COL9A1: variants seen among roughly 807,000 people sequenced by gnomAD.
COL9A1 encodes collagen type IX alpha 1 chain.
Under a neutral mutation model 142.6 loss-of-function variants are expected in COL9A1, and 104 were observed. The observed-to-expected ratio is 0.73, with a 90% CI of 0.62 to 0.86. The LOEUF (loss-of-function observed/expected upper bound fraction) is 0.86. Among genes scored for constraint, COL9A1 ranks in the 40% least tolerant of loss-of-function variants. The pLI is 0.00. For synonymous variants in COL9A1, 466 were observed against 396.0 expected, an observed-to-expected ratio of 1.18 and a Z score of -2.10; for missense variants, 1,210 against 1,176.6, an observed-to-expected ratio of 1.03 and a Z score of -0.42.
intron 36 of COL9A1, among the ~76,000 whole-genome samples, chr6:70,228,500 C>A (rs1374453360): frequency 6.6e-6 from 1 of 152,052 alleles, no homozygotes. Context: ...TCTATACATA[C>A]CATTTTTTTT....
At chr6:70,256,902 T>C (rs534505332) in intron 20 of COL9A1, 81 bp from the exon 21 acceptor site, 2 of 1,341,718 alleles carry the variant, frequency 1.5e-6, no homozygotes, top group East Asian at 2.3e-5. Context: ...TAAAGAAATT[T>C]AATAGCCAGA....
At chr6:70,221,291 G>A (rs1768868353) in intron 37 of COL9A1, among the ~76,000 whole-genome samples, 1 of 152,014 alleles carries the variant, frequency 6.6e-6, no homozygotes, top group South Asian at 2.1e-4. Context: ...ACATTAAATA[G>A]GGTATTTCAT....
chr6:70,237,995 G>T (rs760153606), intron 33 of COL9A1, among the ~76,000 whole-genome samples: 1 of 152,194 alleles, frequency 6.6e-6, no homozygotes, highest in Non-Finnish European at 1.5e-5. Context: ...AAAAGAAACT[G>T]CAAATGGATG....
chr6:70,233,664 T>A (rs1769702082), intron 35 of COL9A1, among the ~76,000 whole-genome samples: 1 of 152,248 alleles, frequency 6.6e-6, no homozygotes, highest in Non-Finnish European at 1.5e-5. Flanking sequence ...ATTTTTTAGA[T>A]ATGTTTAAAA....
chr6:70,251,420 C>T (rs1313127735), intron 28 of COL9A1, among the ~76,000 whole-genome samples: 1 of 152,036 alleles, frequency 6.6e-6, no homozygotes, highest in East Asian at 1.9e-4. Flanking sequence ...GGTGATGCAC[C>T]CCTTCAGTCC....
chr6:70,260,702 C>T lies in COL9A1; in HGVS notation c.1404G>A (p.Gln468=), dbSNP rs371743577. The T allele has an allele frequency of 4.3e-6, 7 of 1,613,768 alleles. No individual in the cohort carries two copies. The highest frequency in any genetic ancestry group is 5.9e-6 in the Non-Finnish European group (7 of 1,179,926). ...EVGAQGPPGA[Q]GLRGITGIVG... ...CTATGCCGGTGATGCCTCGCAAACC[C>T]TGGGCTCCCTGGAAATGTGAAAAAG... is the stretch of plus-strand genomic sequence containing the variant. Residue 468 remains glutamine (Q), a synonymous_variant, in exon 20 of 38, where the codon CAG becomes CAA. Coordinates refer to ENST00000357250, the MANE Select transcript of COL9A1 (RefSeq NM_001851.6).
intron 20 of COL9A1, among the ~76,000 whole-genome samples, chr6:70,257,301 T>C (rs565650283): frequency 4.1e-4 from 63 of 152,192 alleles, no homozygotes; most frequent in African/African-American, 1.4e-3. Context: ...CCTCATGATC[T>C]GCCCACCTTG....
At chr6:70,291,371 A>T (rs1007479779) in intron 5 of COL9A1, among the ~76,000 whole-genome samples, 1 of 152,052 alleles carries the variant, frequency 6.6e-6, no homozygotes, top group African/African-American at 2.4e-5. Flanking sequence ...TCAGACATCA[A>T]ATCCCTTAGG....
chr6:70,215,865 AATTAAC>A (rs1215234824), downstream of COL9A1: 2 of 151,852 alleles, frequency 1.3e-5, no homozygotes, highest in Non-Finnish European at 2.9e-5. Context: ...CTTTCTAGGG[AATTAAC>A]ATTTCGAAAA....
In COL9A1 at chr6:70,271,691, T is replaced by C. The variant is rs747443799; in HGVS notation, c.1107A>G (p.Ala369=). The change falls in exon 14 of 38, where the codon GCA becomes GCG. Residue 369 remains alanine (A), a synonymous_variant. Coordinates refer to ENST00000357250, the MANE Select transcript of COL9A1 (RefSeq NM_001851.6). ...IPGPPGPPGT[A]GLPGELGRVG... is the part of the protein sequence containing the mutation. ...CACGGCCAAGCTCTCCAGGGAGTCC[T>C]GCTGTCCCAGGAGGACCCTGAAGTC... The C allele has an allele frequency of 3.1e-5, 50 of 1,613,774 alleles. No individual in the cohort carries two copies. The Admixed American group carries it at 7.7e-4, about 25-fold the overall frequency.
intron 33 of COL9A1, among the ~76,000 whole-genome samples, chr6:70,236,202 G>A (rs2182999): frequency 0.5 from 74,291 of 149,184 alleles, 18,959 homozygotes; most frequent in African/African-American, 0.56. Flanking sequence ...TCTAAATATT[G>A]AAGAAGTTAA....
At chr6:70,261,195 C>A (rs1771663120) in intron 19 of COL9A1, 1 of 160,884 alleles carries the variant, frequency 6.2e-6, no homozygotes, top group Non-Finnish European at 1.4e-5. Context: ...CTGGAGCCTC[C>A]ATCAATCCCT....
At chr6:70,299,421 C>T (rs1773970424) in intron 4 of COL9A1, among the ~76,000 whole-genome samples, 1 of 151,986 alleles carries the variant, frequency 6.6e-6, no homozygotes, top group African/African-American at 2.4e-5. Context: ...AACTAAATTG[C>T]TGAGATTCAT....
chr6:70,301,893 G>T (rs9294863), intron 2 of COL9A1, 108 bp downstream of exon 2: 3 of 860,556 alleles, frequency 3.5e-6, no homozygotes, highest in African/African-American at 1.7e-5. Context: ...GAAGAGTGAG[G>T]GTGTGAAGGA....
intron 7 of COL9A1, among the ~76,000 whole-genome samples, chr6:70,282,352 C>T (rs182689592): frequency 6.6e-6 from 1 of 152,372 alleles, no homozygotes; most frequent in East Asian, 1.9e-4. Context: ...CCCGCCGGGT[C>T]CTCCCTCGCG....
At chr6:70,237,910 G>T (rs1770015004) in intron 33 of COL9A1, among the ~76,000 whole-genome samples, 1 of 152,154 alleles carries the variant, frequency 6.6e-6, no homozygotes, top group African/African-American at 2.4e-5. Context: ...AGGATAGATC[G>T]AAATGCTTAA....
intron 4 of COL9A1, among the ~76,000 whole-genome samples, chr6:70,296,475 ACTGT>A (rs1773854418): frequency 1.3e-5 from 2 of 152,074 alleles, no homozygotes; most frequent in Non-Finnish European, 2.9e-5. Context: ...CCCATATGAA[ACTGT>A]CTACTACATG....
intron 37 of COL9A1, among the ~76,000 whole-genome samples, chr6:70,221,293 G>A (rs1768868776): frequency 6.6e-6 from 1 of 151,952 alleles, no homozygotes; most frequent in Admixed American, 6.6e-5. Flanking sequence ...ATTAAATAGG[G>A]TATTTCATAA....
At position 70,216,925 on chromosome 6, in the gene COL9A1, C is replaced by G. The variant is rs1422617430; in HGVS notation, c.2738G>C (p.Arg913Pro). Residue 913 changes from arginine (R) to proline (P), a missense_variant, in exon 38 of 38, where the codon CGA (arginine) becomes CCA (proline). By Grantham distance (103) the Arg-to-Pro change is moderately radical. Transcript: ENST00000357250. ...AGGGTCAGGCCCTTTGTTAAATGCT[C>G]GCTGACCAGCCTGCATGGTGCAGGA... ...PASCTMQAGQ[R>P]AFNKGPDP 1.9e-6 allele frequency: 3 copies of G among 1,613,972 alleles called. No homozygotes were observed. The East Asian group carries it at 6.7e-5, about 36-fold the overall frequency.
Sources: gnomAD v4.1 joint callset for allele counts (sites outside exome capture counted in the v4.1 genomes callset) on GRCh38, gnomAD v4.1.1 for gene constraint, MANE v1.5 for transcripts, NCBI Gene and HGNC (gene_info 2026-07-23, HGNC 2026-07-21) for gene names.